Variants in STEAP2 observed in about 807,000 individuals in gnomAD.
STEAP2 encodes the protein STEAP2 metalloreductase, also known as metalloreductase STEAP2.
In STEAP2, 30 loss-of-function variants were observed where a neutral mutation model predicts 46.4. That is an observed-to-expected ratio of 0.65 (90% CI 0.48 to 0.88). The LOEUF is 0.88. Among genes scored for constraint, STEAP2 ranks in the 40% least tolerant of loss-of-function variants. STEAP2 has a pLI of 0.00. For synonymous variants in STEAP2, 180 were observed against 200.5 expected (o/e 0.90, Z 0.86); for missense variants, 513 against 579.3 (o/e 0.89, Z 1.18).
chr7:90,239,017 C>T (rs1419571545), downstream of STEAP2, among the ~76,000 whole-genome samples: 1 of 152,314 alleles, frequency 6.6e-6, no homozygotes, highest in Non-Finnish European at 1.5e-5. Context: ...ATTAAACATA[C>T]TTTATTCTTG....
chr7:90,234,299 T>C lies in STEAP2; in HGVS notation c.*1675T>C, dbSNP rs889046175. On this transcript the variant is annotated 3_prime_UTR_variant, in exon 6 of 6. Coordinates refer to ENST00000394621, the MANE Select transcript of STEAP2 (RefSeq NM_001244944.2). ...CATTCCCCCCACCCCAATTTGCTATTTCCTTATTAAAATAGAAAATTATAG... is the reference window on the plus strand; with the variant it reads ...CATTCCCCCCACCCCAATTTGCTATCTCCTTATTAAAATAGAAAATTATAG... The C allele has an allele frequency of 1.0e-6, 1 of 985,220 alleles. No homozygotes were observed. The highest frequency in any genetic ancestry group is 1.7e-5 in the African/African-American group (1 of 57,208). 61.0% of individuals were successfully genotyped at this position (985,220 alleles called of 1,614,324 possible).
intron 4 of STEAP2, among the ~76,000 whole-genome samples, chr7:90,228,877 C>A (rs1317217195): frequency 6.6e-6 from 1 of 152,086 alleles, no homozygotes. Flanking sequence ...GTATAGATAT[C>A]AAATAAGAAG....
chr7:90,229,861 T>C lies in STEAP2; in HGVS notation c.1021-11T>C, dbSNP rs1163815623. 1.2e-6 allele frequency: 2 copies of C among 1,610,596 alleles called. No individual in the cohort carries two copies. Among genetic ancestry groups the C allele is most frequent in the South Asian group, 2.2e-5 (2 of 90,402 alleles). ...CTAAATAAAGGAAATTCACATTCGC[T>C]TTCTTGTTAGGTTCATGCAAATATT... On this transcript the variant is annotated splice_polypyrimidine_tract_variant and intron_variant, in intron 4 of 5. Transcript: ENST00000394621.
chr7:90,212,160 C>A (rs566830603), intron 1 of STEAP2, 115 bp downstream of exon 1: 128 of 152,586 alleles, frequency 8.4e-4, no homozygotes, highest in African/African-American at 3.0e-3. Context: ...CCTCACCGGG[C>A]GTCCGCCCTG....
chr7:90,228,888 A>C (rs1795617990), intron 4 of STEAP2, among the ~76,000 whole-genome samples: 1 of 152,150 alleles, frequency 6.6e-6, no homozygotes, highest in Admixed American at 6.5e-5. Context: ...AAATAAGAAG[A>C]TGGTAAGAAC....
Position 90,225,356 on chromosome 7 carries a change from G to A in STEAP2, c.274G>A (p.Ala92Thr). The change falls in exon 3 of 6, where the codon GCT (alanine) becomes ACT (threonine). Residue 92 changes from alanine to threonine, a missense_variant. Transcript: ENST00000394621. The stretch of plus-strand genomic sequence containing the variant: ...CACAAAAACAAATATAATATTTGTT[G>A]CTATACACAGAGAACATTATACCTC... ...ALTKTNIIFV[A>T]IHREHYTSLW... 1 of 1,613,824 alleles carries A rather than the reference G, an allele frequency of 6.2e-7. No individual in the cohort carries two copies.
At chr7:90,218,234 ATTGT>A (rs1795110679) in intron 2 of STEAP2, among the ~76,000 whole-genome samples, 2 of 151,900 alleles carry the variant, frequency 1.3e-5, no homozygotes, top group African/African-American at 4.8e-5. Context: ...CATTCTGTTG[ATTGT>A]TTCCTTTGCT....
At chr7:90,224,923 T>C in intron 2 of STEAP2, 127 bp from the exon 3 acceptor site, 1 of 716,848 alleles carries the variant, frequency 1.4e-6, no homozygotes, top group Non-Finnish European at 2.2e-6. Context: ...AATTGTGTCT[T>C]ACTGTGCTGT....
intron 5 of STEAP2, 44 bp from the exon 6 acceptor site, chr7:90,232,293 T>A: frequency 6.7e-7 from 1 of 1,497,228 alleles, no homozygotes; most frequent in East Asian, 2.3e-5. Flanking sequence ...TTCAGTCATT[T>A]GTTTCTTATT....
chr7:90,224,060 G>A lies in STEAP2; in HGVS notation c.-33-990G>A, dbSNP rs927807337. Among the ~76,000 whole-genome samples the A allele has an allele frequency of 1.6e-4, 25 of 152,176 alleles. 1 individual carries two copies. The highest frequency in any genetic ancestry group is 1.4e-3 in the Admixed American group (22 of 15,272). The stretch of plus-strand genomic sequence containing the variant: ...GTCCTCTCTGCCTCCAGCAGCATTT[G>A]TGATTTGCTGCCTCTGATCTGCTCA... On this transcript the variant is annotated intron_variant, in intron 2 of 5. Transcript: ENST00000394621.
Position 90,236,875 on chromosome 7 carries a change from G to A in STEAP2, c.*4251G>A. Reference sequence around the variant, plus strand: ...GCCAACTTTAAGGAAATATTCTCTTGAAATTGTCTTTAAAGATCTTTTGCA... The same window carrying A: ...GCCAACTTTAAGGAAATATTCTCTTAAAATTGTCTTTAAAGATCTTTTGCA... On this transcript the variant is annotated 3_prime_UTR_variant, in exon 6 of 6. Transcript: ENST00000394621. The A allele has an allele frequency of 6.2e-7, 1 of 1,613,518 alleles. No homozygotes were observed. Among genetic ancestry groups the A allele is most frequent in the Non-Finnish European group, 8.5e-7 (1 of 1,179,790 alleles).
In STEAP2 at chr7:90,225,082, C is replaced by T. The variant is rs1420402501; in HGVS notation, c.-1C>T. On this transcript the variant is annotated 5_prime_UTR_variant, in exon 3 of 6. Transcript: ENST00000394621. ...TTGGTGATCTTGGAAGTGTCCGTAT[C>T]ATGGAATCAATCTCTATGATGGGAA... The T allele has an allele frequency of 6.2e-6, 10 of 1,611,960 alleles. No individual in the cohort carries two copies. The highest frequency in any genetic ancestry group is 1.3e-5 in the African/African-American group (1 of 74,788).
chr7:90,239,524 T>A (rs1584258874), downstream of STEAP2, among the ~76,000 whole-genome samples: 1 of 152,226 alleles, frequency 6.6e-6, no homozygotes, highest in African/African-American at 2.4e-5. Context: ...ACCTGTCTGA[T>A]TAATCTTGCT....
rs1562819733 is a variant in STEAP2 at position 90,237,544 on chromosome 7, A to T, written c.*4920A>T. 1 of 153,274 alleles carries T rather than the reference A, an allele frequency of 6.5e-6. No homozygotes were observed. 9.5% of individuals were successfully genotyped at this position (153,274 alleles called of 1,614,324 possible). On this transcript the variant is annotated 3_prime_UTR_variant, in exon 6 of 6. Transcript: ENST00000394621. ...CTCCAAAATATTGCTATCAAATTACACACCATGTTTTCTATCATTCTCATA... is the reference window on the plus strand; with the variant it reads ...CTCCAAAATATTGCTATCAAATTACTCACCATGTTTTCTATCATTCTCATA...
At position 90,235,830 on chromosome 7, in the gene STEAP2, T is replaced by C; in HGVS notation, c.*3206T>C. The C allele has an allele frequency of 6.7e-6, 5 of 750,898 alleles. No individual in the cohort carries two copies. Among genetic ancestry groups the C allele is most frequent in the Non-Finnish European group, 8.1e-6 (5 of 616,140 alleles). The allele number at this position is 750,898 out of a possible 1,614,324, so 46.5% of individuals were successfully genotyped here. A position where few individuals can be genotyped will look rare whatever the true frequency, so the allele number is the denominator to read the frequency against. On this transcript the variant is annotated 3_prime_UTR_variant, in exon 6 of 6. Transcript: ENST00000394621. ...CTACATATAAGGTTTTTATTTGAAT[T>C]GTAAAATATTTAAAAGTATGAATAA...
rs1795815258 is a variant in STEAP2, at chr7:90,232,738, A to C, written c.*114A>C. The C allele has an allele frequency of 7.9e-6, 11 of 1,385,084 alleles. No homozygotes were observed. Among genetic ancestry groups the C allele is most frequent in the Non-Finnish European group, 8.4e-6 (9 of 1,068,368 alleles). 85.8% of individuals were successfully genotyped at this position (1,385,084 alleles called of 1,614,324 possible). ...AATTATCGTGGGTTGAAACTTGTTA[A>C]ATGAGATTTCAACTGACTTAGTGAT... On this transcript the variant is annotated 3_prime_UTR_variant, in exon 6 of 6. Transcript: ENST00000394621.
downstream of STEAP2, among the ~76,000 whole-genome samples, chr7:90,241,812 A>T (rs1169153900): frequency 6.6e-6 from 1 of 152,206 alleles, no homozygotes; most frequent in Non-Finnish European, 1.5e-5. Flanking sequence ...TGATGAGTAC[A>T]AAAACGGAAT....
At chr7:90,228,804 G>A (rs1010332735) in intron 4 of STEAP2, among the ~76,000 whole-genome samples, 1 of 152,136 alleles carries the variant, frequency 6.6e-6, no homozygotes, top group South Asian at 2.1e-4. Flanking sequence ...GAATGAACTG[G>A]GAGAGCAGGT....
rs1795831331 is a variant in STEAP2, at chr7:90,233,208, A to C, written c.*584A>C. On this transcript the variant is annotated 3_prime_UTR_variant, in exon 6 of 6. Transcript: ENST00000394621. Reference sequence around the variant, plus strand: ...ATTATATGAAGAGACACAAATTAAAAAGACAAATTAAACCTGAAATTATAT... The same window carrying C: ...ATTATATGAAGAGACACAAATTAAACAGACAAATTAAACCTGAAATTATAT... The C allele has an allele frequency of 2.1e-6, 2 of 961,506 alleles. No homozygotes were observed. Among genetic ancestry groups the C allele is most frequent in the East Asian group, 1.1e-4 (1 of 8,720 alleles). 59.6% of individuals were successfully genotyped at this position (961,506 alleles called of 1,614,324 possible).
Sources: allele counts gnomAD v4.1 joint callset (sites outside exome capture counted in the v4.1 genomes callset), GRCh38; gene constraint gnomAD v4.1.1; transcripts MANE v1.5; gene names NCBI Gene and HGNC (gene_info 2026-07-23, HGNC 2026-07-21).